MMD2: variants seen among roughly 807,000 people sequenced by gnomAD.
MMD2 encodes monocyte to macrophage differentiation associated 2.
A neutral mutation model predicts 33.5 loss-of-function variants in MMD2; 30 were observed. That is an observed-to-expected ratio of 0.90 (90% CI 0.67 to 1.22). The LOEUF (loss-of-function observed/expected upper bound fraction) is 1.22. Ranked by LOEUF, MMD2 falls within the 50% of genes most tolerant of loss-of-function variation. The pLI is 0.00. For synonymous variants in MMD2, 129 were observed against 123.0 expected, an observed-to-expected ratio of 1.05 and a Z score of -0.32; for missense variants, 364 against 325.4, an observed-to-expected ratio of 1.12 and a Z score of -0.91.
intron 1 of MMD2, among the ~76,000 whole-genome samples, chr7:4,955,958 C>A (rs1025661602): frequency 6.6e-6 from 1 of 152,182 alleles, no homozygotes; most frequent in South Asian, 2.1e-4. Context: ...GAGGCTGAGG[C>A]AGGAGAATCG....
At chr7:4,952,597 G>C (rs1461441649) in intron 1 of MMD2, among the ~76,000 whole-genome samples, 4 of 151,872 alleles carry the variant, frequency 2.6e-5, no homozygotes, top group Non-Finnish European at 5.9e-5. Flanking sequence ...TACCAAGAAG[G>C]CATCCTTTTT....
At chr7:4,945,721 T>A (rs1190260215) in intron 1 of MMD2, among the ~76,000 whole-genome samples, 4 of 152,134 alleles carry the variant, frequency 2.6e-5, no homozygotes, top group Non-Finnish European at 4.4e-5. Flanking sequence ...ATTACAGGTG[T>A]GCACCAACAC....
chr7:4,956,485 T>C (rs1209946189), intron 1 of MMD2, among the ~76,000 whole-genome samples: 1 of 151,780 alleles, frequency 6.6e-6, no homozygotes. Flanking sequence ...TTGTGGACTG[T>C]ACAGTTGTAA....
chr7:4,919,356 C>A (rs1397098838), intron 3 of MMD2, among the ~76,000 whole-genome samples: 1 of 151,996 alleles, frequency 6.6e-6, no homozygotes, highest in East Asian at 1.9e-4. Context: ...ATCACTAGAG[C>A]CCATGAGTTG....
At chr7:4,924,140 C>CGAGATCG (rs1405454859) in intron 2 of MMD2, among the ~76,000 whole-genome samples, 2 of 152,090 alleles carry the variant, frequency 1.3e-5, no homozygotes, top group Admixed American at 6.6e-5. Context: ...TGCAGTGAGC[C>CGAGATCG]GAGATCGCAC....
chr7:4,893,119 T>C, the MMD2 span, among the ~76,000 whole-genome samples: 69 of 152,052 alleles, frequency 4.5e-4, no homozygotes, highest in South Asian at 0.014. Flanking sequence ...TGTGGGGGAA[T>C]GGGGTCTACA....
chr7:4,923,782 T>C (rs1021089848), intron 2 of MMD2, among the ~76,000 whole-genome samples: 2 of 151,114 alleles, frequency 1.3e-5, no homozygotes, highest in South Asian at 2.1e-4. Flanking sequence ...ACTTCAGAGA[T>C]GAGCCAGTGA....
At chr7:4,902,969 G>A (rs956288448), downstream of MMD2, among the ~76,000 whole-genome samples, 5 of 152,200 alleles carry the variant, frequency 3.3e-5, no homozygotes, top group African/African-American at 1.2e-4. Flanking sequence ...GGGATATGGT[G>A]GCTCATGCCT....
At chr7:4,927,807 C>G (rs1165098790) in intron 1 of MMD2, among the ~76,000 whole-genome samples, 1 of 152,186 alleles carries the variant, frequency 6.6e-6, no homozygotes, top group Admixed American at 6.6e-5. Flanking sequence ...TTAATCCTCA[C>G]CAGAGCACCA....
rs116791100 is a variant in MMD2, at chr7:4,944,617, G to T, written c.47+14354C>A. On this transcript the variant is annotated intron_variant, in intron 1 of 6. Coordinates refer to ENST00000401401, the MANE Select transcript of MMD2 (RefSeq NM_198403.4). ...TAGTCCAGCCCGGCCAGTGGCCATG[G>T]GTCCAGTGTGCCATCACAGAGCCAA... 3.1e-3 allele frequency among the ~76,000 whole-genome samples: 473 copies of T among 152,246 alleles called. 2 individuals carry two copies. The highest frequency in any genetic ancestry group is 0.011 in the African/African-American group (442 of 41,546).
chr7:4,947,199 C>T (rs977996000), intron 1 of MMD2, among the ~76,000 whole-genome samples: 1 of 151,872 alleles, frequency 6.6e-6, no homozygotes, highest in African/African-American at 2.4e-5. Flanking sequence ...CAGAGCAAGA[C>T]TCCGTCTCAA....
At chr7:4,928,957 T>C (rs185823560) in intron 1 of MMD2, among the ~76,000 whole-genome samples, 2 of 152,348 alleles carry the variant, frequency 1.3e-5, no homozygotes, top group South Asian at 2.1e-4. Context: ...ATTGAGCACC[T>C]TCTGTGTGCT....
At position 4,959,147 on chromosome 7, in the gene MMD2, C is replaced by G. The variant is rs1786473610; in HGVS notation, c.-130G>C. ...GGGCCAAGGGGACCTGGTCGGCGCCCGGAGCCGGAGCCGGAGCCCGAGCCG... is the reference window on the plus strand; with the variant it reads ...GGGCCAAGGGGACCTGGTCGGCGCCGGGAGCCGGAGCCGGAGCCCGAGCCG... On this transcript the variant is annotated 5_prime_UTR_variant, in exon 1 of 7. Coordinates refer to ENST00000401401, the MANE Select transcript of MMD2 (RefSeq NM_198403.4). The G allele has an allele frequency of 3.9e-6, 2 of 517,536 alleles. No homozygotes were observed. The highest frequency in any genetic ancestry group is 5.4e-6 in the Non-Finnish European group (2 of 371,732). The allele number at this position is 517,536 out of a possible 1,614,324, so 32.1% of individuals were successfully genotyped here.
intron 2 of MMD2, among the ~76,000 whole-genome samples, chr7:4,925,191 A>G (rs776229815): frequency 3.3e-5 from 5 of 152,062 alleles, no homozygotes; most frequent in Non-Finnish European, 7.4e-5. Context: ...TCAGCCTTCC[A>G]AAGTGCTGGA....
chr7:4,912,014 A>T (rs747977508), intron 4 of MMD2, among the ~76,000 whole-genome samples: 1 of 151,926 alleles, frequency 6.6e-6, no homozygotes, highest in Non-Finnish European at 1.5e-5. Context: ...GGGTGGGAGG[A>T]TCGCTTAAGT....
At chr7:4,901,764 A>G (rs1784797744), downstream of MMD2, among the ~76,000 whole-genome samples, 1 of 152,194 alleles carries the variant, frequency 6.6e-6, no homozygotes, top group African/African-American at 2.4e-5. Context: ...GCTTCACAAG[A>G]GGTACAGCTG....
At chr7:4,927,174 G>C (rs927185031) in intron 1 of MMD2, among the ~76,000 whole-genome samples, 3 of 152,090 alleles carry the variant, frequency 2.0e-5, no homozygotes, top group Admixed American at 6.6e-5. Context: ...GAACTTTTTT[G>C]TGCATATTTT....
At chr7:4,956,901 T>C (rs575657234) in intron 1 of MMD2, among the ~76,000 whole-genome samples, 22 of 152,106 alleles carry the variant, frequency 1.4e-4, no homozygotes, top group African/African-American at 4.6e-4. Context: ...GAGCCAGCCT[T>C]TACAAGTCCA....
At chr7:4,904,006 C>G (rs567773772), downstream of MMD2, among the ~76,000 whole-genome samples, 11 of 152,262 alleles carry the variant, frequency 7.2e-5, no homozygotes, top group Non-Finnish European at 1.5e-4. Flanking sequence ...AATCTTGGCT[C>G]ACTACAACCT....
Sources: gnomAD v4.1 joint callset for allele counts (sites outside exome capture counted in the v4.1 genomes callset) on GRCh38, gnomAD v4.1.1 for gene constraint, MANE v1.5 for transcripts, NCBI Gene and HGNC (gene_info 2026-07-23, HGNC 2026-07-21) for gene names.